The following DLG2 variants were observed in gnomAD, a reference collection of about 807,000 sequenced individuals.
DLG2 encodes disks large homolog 2.
DLG2 carries 45 observed loss-of-function variants against 132.5 expected under a neutral mutation model. That is an observed-to-expected ratio of 0.34 (90% confidence interval 0.27 to 0.44). The LOEUF (loss-of-function observed/expected upper bound fraction) is 0.44. DLG2 is among the 20% of genes least tolerant of loss of function. The probability of loss-of-function intolerance (pLI) is 1.00; values close to 1 mark genes in which losing one functional copy is unlikely to be tolerated. For missense variants in DLG2, 1,045 were observed against 1,196.9 expected, an observed-to-expected ratio of 0.87 and a Z score of 1.87; for synonymous variants, 424 against 419.6, an observed-to-expected ratio of 1.01 and a Z score of -0.13.
At chr11:84,703,314 C>G (rs1439166965) in intron 6 of DLG2, among the ~76,000 whole-genome samples, 1 of 151,490 alleles carries the variant, frequency 6.6e-6, no homozygotes, top group Non-Finnish European at 1.5e-5. Flanking sequence ...GTAGGGTTTA[C>G]TAAATTTCTC....
chr11:84,708,255 A>T (rs1225720488), intron 6 of DLG2, among the ~76,000 whole-genome samples: 1 of 151,938 alleles, frequency 6.6e-6, no homozygotes, highest in Non-Finnish European at 1.5e-5. Flanking sequence ...TAAGGGATAA[A>T]AGATAACTAG....
At chr11:85,281,255 C>T (rs759682500) in intron 4 of DLG2, among the ~76,000 whole-genome samples, 15 of 151,954 alleles carry the variant, frequency 9.9e-5, no homozygotes, top group Non-Finnish European at 1.8e-4. Flanking sequence ...AGTCTAAAAC[C>T]TTTACCTCCA....
At chr11:85,134,400 G>T (rs1594724691) in intron 5 of DLG2, among the ~76,000 whole-genome samples, 1 of 148,470 alleles carries the variant, frequency 6.7e-6, no homozygotes, top group African/African-American at 2.5e-5. Flanking sequence ...GTAGTGGCGG[G>T]CGCCTGTAGT....
intron 8 of DLG2, among the ~76,000 whole-genome samples, chr11:84,223,178 T>C (rs980938080): frequency 6.6e-6 from 1 of 152,174 alleles, no homozygotes; most frequent in African/African-American, 2.4e-5. Flanking sequence ...CATGCTTCCT[T>C]GTGTAGGGCT....
intron 15 of DLG2, among the ~76,000 whole-genome samples, chr11:83,887,076 T>G (rs1375782567): frequency 6.6e-6 from 1 of 152,094 alleles, no homozygotes; most frequent in East Asian, 1.9e-4. Context: ...AAAGCTAGCA[T>G]AAGGCGAGAA....
intron 7 of DLG2, among the ~76,000 whole-genome samples, chr11:84,533,316 C>G (rs992952335): frequency 2.0e-5 from 3 of 152,156 alleles, no homozygotes; most frequent in Non-Finnish European, 4.4e-5. Context: ...GGTTTAGTCC[C>G]ATGTCCCCCA....
intron 6 of DLG2, among the ~76,000 whole-genome samples, chr11:84,649,990 T>C (rs2099679607): frequency 6.6e-6 from 1 of 152,178 alleles, no homozygotes; most frequent in African/African-American, 2.4e-5. Context: ...TTTGAGTCCA[T>C]AATATAATCT....
chr11:83,977,248 ATT>A (rs556251900), intron 12 of DLG2, among the ~76,000 whole-genome samples: 1 of 151,752 alleles, frequency 6.6e-6, no homozygotes, highest in Middle Eastern at 3.2e-3. Flanking sequence ...CTTTTTGAGA[ATT>A]TTTTTTGTGC....
intron 3 of DLG2, among the ~76,000 whole-genome samples, chr11:85,574,130 A>T (rs1054793982): frequency 6.6e-6 from 1 of 152,182 alleles, no homozygotes; most frequent in Non-Finnish European, 1.5e-5. Context: ...AATAATGTTA[A>T]CTACCTCAGT....
At chr11:84,071,201 C>T (rs1006987696) in intron 10 of DLG2, among the ~76,000 whole-genome samples, 1 of 152,194 alleles carries the variant, frequency 6.6e-6, no homozygotes, top group Non-Finnish European at 1.5e-5. Context: ...CAAGCTGCCT[C>T]CTACCTCAGC....
In DLG2 at chr11:83,921,981, T is replaced by TCAA. The variant is rs2078021689; in HGVS notation, c.1496+8346_1496+8347insTTG. On this transcript the variant is annotated intron_variant, in intron 15 of 27. Coordinates refer to ENST00000376104, the MANE Select transcript of DLG2 (RefSeq NM_001142699.3). Reference sequence around the variant, plus strand: ...CCCAACTCTGTTATCTCAAGGTATTTGACCCTCATGAAGCCTCCTGACTCT... The same window carrying TCAA: ...CCCAACTCTGTTATCTCAAGGTATTTCAAGACCCTCATGAAGCCTCCTGACTCT... 2.6e-5 allele frequency among the ~76,000 whole-genome samples: 4 copies of TCAA among 152,156 alleles called. No individual in the cohort carries two copies. The South Asian group carries it at 8.3e-4, about 31-fold the overall frequency.
At chr11:85,261,674 G>A (rs534153944) in intron 4 of DLG2, among the ~76,000 whole-genome samples, 64 of 152,268 alleles carry the variant, frequency 4.2e-4, no homozygotes, top group Non-Finnish European at 8.2e-4. Context: ...ATTGGGAAGA[G>A]ACCAATATCC....
At chr11:83,631,560 G>C (rs2063562021) in intron 19 of DLG2, 1 of 151,990 alleles carries the variant, frequency 6.6e-6, no homozygotes. Flanking sequence ...AGAGAATAAA[G>C]ATCTGAATCT....
At chr11:85,394,874 C>T (rs2087149214) in intron 3 of DLG2, among the ~76,000 whole-genome samples, 1 of 152,116 alleles carries the variant, frequency 6.6e-6, no homozygotes, top group Non-Finnish European at 1.5e-5. Context: ...TTGATGTTAC[C>T]ACACAAATTA....
chr11:84,311,657 G>C (rs903068675), intron 7 of DLG2, among the ~76,000 whole-genome samples: 6 of 152,158 alleles, frequency 3.9e-5, no homozygotes, highest in African/African-American at 1.2e-4. Flanking sequence ...GGCTCAAAGG[G>C]TTAACTGATG....
rs202030659 is a variant in DLG2, at chr11:83,910,206, T to C, written c.1496+20122A>G. ...GCTGCTGAGCTCTGTAATAGAGTAT[T>C]TGAGAAGTTAATGTGCATTGCAAAA... On this transcript the variant is annotated intron_variant, in intron 15 of 27. Transcript: ENST00000376104. Among the ~76,000 whole-genome samples, 10 of 152,188 alleles carry C rather than the reference T, an allele frequency of 6.6e-5. No individual in the cohort carries two copies. In the South Asian group the frequency reaches 2.1e-3, roughly 32 times the overall value.
intron 8 of DLG2, among the ~76,000 whole-genome samples, chr11:84,242,163 A>T (rs2097237444): frequency 6.6e-6 from 1 of 152,178 alleles, no homozygotes; most frequent in Non-Finnish European, 1.5e-5. Flanking sequence ...CACATTCTTC[A>T]CTTGGACAAC....
chr11:84,060,406 G>C (rs1049871421), intron 10 of DLG2, among the ~76,000 whole-genome samples: 1 of 151,926 alleles, frequency 6.6e-6, no homozygotes, highest in Admixed American at 6.6e-5. Context: ...TCTCCACCTC[G>C]ATTCATCTTA....
intron 21 of DLG2, among the ~76,000 whole-genome samples, chr11:83,515,153 G>T (rs2095244866): frequency 1.3e-5 from 2 of 152,084 alleles, no homozygotes; most frequent in Non-Finnish European, 2.9e-5. Flanking sequence ...AATCCATCTG[G>T]TCCTGGACTT....
Sources: allele counts gnomAD v4.1 joint callset (sites outside exome capture counted in the v4.1 genomes callset), GRCh38; gene constraint gnomAD v4.1.1; transcripts MANE v1.5; gene names NCBI Gene and HGNC (gene_info 2026-07-23, HGNC 2026-07-21).